The following PITPNM3 variants were observed in gnomAD, a reference collection of about 807,000 sequenced individuals.
PITPNM3 encodes the protein membrane-associated phosphatidylinositol transfer protein 3.
PITPNM3 carries 26 observed loss-of-function variants against 102.0 expected under a neutral mutation model. The ratio of observed to expected loss-of-function variants is 0.25; its 90% CI spans 0.19 to 0.35. The LOEUF (loss-of-function observed/expected upper bound fraction) is 0.35, where lower values mean the gene tolerates loss of function less well. Among genes scored for constraint, PITPNM3 ranks in the 10% least tolerant of loss-of-function variants. The pLI, the probability that PITPNM3 is intolerant of heterozygous loss-of-function variation, is 1.00. For missense variants in PITPNM3, 1,083 were observed against 1,346.1 expected, an observed-to-expected ratio of 0.80 and a Z score of 3.06; for synonymous variants, 578 against 558.6, an observed-to-expected ratio of 1.03 and a Z score of -0.49.
intron 3 of PITPNM3, among the ~76,000 whole-genome samples, chr17:6,515,048 A>G (rs1695021365): frequency 6.6e-6 from 1 of 152,104 alleles, no homozygotes; most frequent in African/African-American, 2.4e-5. Context: ...GGGCTGGGAG[A>G]AGGGGAATGG....
chr17:6,496,163 A>G (rs1437625873), intron 4 of PITPNM3, among the ~76,000 whole-genome samples: 1 of 152,026 alleles, frequency 6.6e-6, no homozygotes, highest in African/African-American at 2.4e-5. Flanking sequence ...ACCTGTGAAT[A>G]AAGTCTCTCT....
In PITPNM3 at chr17:6,485,445, ACCAT is replaced by A. The variant is rs1360332185; in HGVS notation, c.275-1157_275-1154del. ...AGTGCTGGGATTACAGGAGTGAGCC[ACCAT>A]GCCTGGCCAATAAGTCTCTTTTTAT... On this transcript the variant is annotated intron_variant, in intron 4 of 19. Coordinates refer to ENST00000262483, the MANE Select transcript of PITPNM3 (RefSeq NM_031220.4). Among the ~76,000 whole-genome samples the A allele has an allele frequency of 5.9e-5, 9 of 152,238 alleles. No homozygotes were observed. In the South Asian group the frequency reaches 1.4e-3, roughly 25 times the overall value.
chr17:6,486,820 A>T (rs1341138274), intron 4 of PITPNM3, among the ~76,000 whole-genome samples: 1 of 152,244 alleles, frequency 6.6e-6, no homozygotes, highest in Admixed American at 6.5e-5. Flanking sequence ...TGTCCTGGGC[A>T]CTATGTGCTT....
intron 4 of PITPNM3, among the ~76,000 whole-genome samples, chr17:6,488,832 A>G (rs1240417104): frequency 6.6e-6 from 1 of 152,050 alleles, no homozygotes; most frequent in Non-Finnish European, 1.5e-5. Context: ...GTTTCTTCCC[A>G]CTTCCTGTTA....
intron 3 of PITPNM3, among the ~76,000 whole-genome samples, chr17:6,519,600 C>T (rs997437534): frequency 5.3e-5 from 8 of 151,456 alleles, no homozygotes; most frequent in Admixed American, 5.3e-4. Context: ...GAGGCCAAGT[C>T]GGGCAGATCA....
At position 6,468,211 on chromosome 17, in the gene PITPNM3, G is replaced by C; in HGVS notation, c.1890+14C>G. The C allele has an allele frequency of 6.2e-7, 1 of 1,610,686 alleles. No individual in the cohort carries two copies. The highest frequency in any genetic ancestry group is 8.5e-7 in the Non-Finnish European group (1 of 1,178,222). On this transcript the variant is annotated intron_variant, in intron 14 of 19. Coordinates refer to ENST00000262483, the MANE Select transcript of PITPNM3 (RefSeq NM_031220.4). The surrounding 1 kb of genome is among the most constrained non-coding windows in gnomAD (Gnocchi z 5.2). ...ACACAGTCCCAGCCACATGCGAACT[G>C]AGCATGCACGCACCCTCAGCTTGAC...
In PITPNM3 at chr17:6,454,062, A is replaced by C. The variant is rs1333951284; in HGVS notation, c.*1276T>G. On this transcript the variant is annotated 3_prime_UTR_variant, in exon 20 of 20. Transcript: ENST00000262483. ...AGGTTATGGGCACAAACTGAGCAGC[A>C]GGGGAAAGGGAAGAGAATACAACAG... 1 of 152,468 alleles carries C rather than the reference A, an allele frequency of 6.6e-6. No homozygotes were observed. Among genetic ancestry groups the C allele is most frequent in the Non-Finnish European group, 1.5e-5 (1 of 68,222 alleles). The allele number at this position is 152,468 out of a possible 1,614,324, so 9.4% of individuals were successfully genotyped here.
intron 4 of PITPNM3, among the ~76,000 whole-genome samples, chr17:6,486,943 G>T (rs1906129837): frequency 6.6e-6 from 1 of 152,164 alleles, no homozygotes; most frequent in Admixed American, 6.5e-5. Context: ...TATGTCACTT[G>T]CCCCACGTAC....
chr17:6,474,671 A>G, intron 9 of PITPNM3, 67 bp from the exon 10 acceptor site: 1 of 1,494,422 alleles, frequency 6.7e-7, no homozygotes, highest in East Asian at 2.5e-5. Context: ...GAGTGTTCAC[A>G]CAGCAGCGCA....
In PITPNM3 at chr17:6,459,425, C is replaced by T. The variant is rs1212170627; in HGVS notation, c.2491-1703G>A. 6.6e-6 allele frequency among the ~76,000 whole-genome samples: 1 copy of T among 152,006 alleles called. No individual in the cohort carries two copies. The highest frequency in any genetic ancestry group is 1.5e-5 in the Non-Finnish European group (1 of 68,010). On this transcript the variant is annotated intron_variant, in intron 18 of 19. Coordinates refer to ENST00000262483, the MANE Select transcript of PITPNM3 (RefSeq NM_031220.4). This position sits in a 1 kb window ranked among gnomAD's most constrained non-coding sequence, Gnocchi z 5.0. The stretch of plus-strand genomic sequence containing the variant: ...CTGCTCCTTGTGCTGCTCTCAGTGG[C>T]CCAGCACAGCCTCTTCTAACGCCTC...
chr17:6,474,619 G>C lies in PITPNM3; in HGVS notation c.1086-15C>G. On this transcript the variant is annotated splice_polypyrimidine_tract_variant and intron_variant, in intron 9 of 19. Transcript: ENST00000262483. Reference sequence around the variant, plus strand: ...TGGAGTGGATGCTGCGGAGGGAGGAGGACGCAGGGCAGGGCAGGTCAGGGA... The same window carrying C: ...TGGAGTGGATGCTGCGGAGGGAGGACGACGCAGGGCAGGGCAGGTCAGGGA... 6.4e-7 allele frequency: 1 copy of C among 1,553,570 alleles called. No individual in the cohort carries two copies. The highest frequency in any genetic ancestry group is 8.7e-7 in the Non-Finnish European group (1 of 1,149,398).
intron 1 of PITPNM3, among the ~76,000 whole-genome samples, chr17:6,544,625 GTCTCTCTC>G (rs67144965): frequency 5.8e-5 from 8 of 137,192 alleles, no homozygotes; most frequent in Admixed American, 2.3e-4. Flanking sequence ...TTTGAATGGT[GTCTCTCTC>G]TCTCTCTCTC....
rs1913850114 is a variant in PITPNM3, at chr17:6,451,870, C to G, written c.*3468G>C. ...ATAGGTTTCCAGGGCACTTGGCACC[C>G]AAACCCCCCCCCCCCGCCCGCCGAT... is the stretch of plus-strand genomic sequence containing the variant. On this transcript the variant is annotated 3_prime_UTR_variant, in exon 20 of 20. Coordinates refer to ENST00000262483, the MANE Select transcript of PITPNM3 (RefSeq NM_031220.4). The G allele has an allele frequency of 1.1e-5, 1 of 92,918 alleles. No individual in the cohort carries two copies. The highest frequency in any genetic ancestry group is 4.2e-5 in the African/African-American group (1 of 23,854). The allele number at this position is 92,918 out of a possible 1,614,324, so 5.8% of individuals were successfully genotyped here. A position where few individuals can be genotyped will look rare whatever the true frequency, so the allele number is the denominator to read the frequency against.
chr17:6,540,959 C>T (rs1055056447), intron 1 of PITPNM3, among the ~76,000 whole-genome samples: 1 of 152,190 alleles, frequency 6.6e-6, no homozygotes, highest in Non-Finnish European at 1.5e-5. Flanking sequence ...GCATCTGGCC[C>T]CGCCTTGGTT....
intron 4 of PITPNM3, among the ~76,000 whole-genome samples, chr17:6,488,247 A>G (rs1170707134): frequency 2.0e-5 from 3 of 152,162 alleles, no homozygotes; most frequent in South Asian, 2.1e-4. Flanking sequence ...CCCACAAGAC[A>G]TAACTCTTTC....
Position 6,451,892 on chromosome 17 carries a change from C to CCCCCACCA in PITPNM3, c.*3445_*3446insTGGTGGGG, listed in dbSNP as rs55984944. Reference sequence around the variant, plus strand: ...ACCCAAACCCCCCCCCCCCGCCCGCCGATGGGATTCGGTGGGAAAGTTGGT... The same window carrying CCCCCACCA: ...ACCCAAACCCCCCCCCCCCGCCCGCCCCCCACCAGATGGGATTCGGTGGGAAAGTTGGT... On this transcript the variant is annotated 3_prime_UTR_variant, in exon 20 of 20. Transcript: ENST00000262483. 1 of 94,446 alleles carries CCCCCACCA rather than the reference C, an allele frequency of 1.1e-5. No individual in the cohort carries two copies. Among genetic ancestry groups the CCCCCACCA allele is most frequent in the Non-Finnish European group, 2.2e-5 (1 of 46,070 alleles). 5.9% of individuals were successfully genotyped at this position (94,446 alleles called of 1,614,324 possible).
intron 4 of PITPNM3, among the ~76,000 whole-genome samples, chr17:6,489,613 G>C (rs1906317157): frequency 2.0e-5 from 3 of 152,110 alleles, no homozygotes; most frequent in Admixed American, 6.5e-5. Context: ...TCCTCAGAGA[G>C]ACTCTTGGCA....
chr17:6,501,938 C>G (rs532610310), intron 4 of PITPNM3, among the ~76,000 whole-genome samples: 49 of 152,282 alleles, frequency 3.2e-4, no homozygotes, highest in Admixed American at 6.5e-4. Context: ...CACTAAAGAC[C>G]CACAGGTAAT....
Position 6,459,420 on chromosome 17 carries a change from A to G in PITPNM3, c.2491-1698T>C, listed in dbSNP as rs1555550585. Among the ~76,000 whole-genome samples the G allele has an allele frequency of 6.6e-6, 1 of 151,752 alleles. No individual in the cohort carries two copies. The highest frequency in any genetic ancestry group is 1.5e-5 in the Non-Finnish European group (1 of 67,956). On this transcript the variant is annotated intron_variant, in intron 18 of 19. Transcript: ENST00000262483. This position sits in a 1 kb window ranked among gnomAD's most constrained non-coding sequence, Gnocchi z 5.0. ...CTCAGCTGCTCCTTGTGCTGCTCTC[A>G]GTGGCCCAGCACAGCCTCTTCTAAC...
Sources: allele counts gnomAD v4.1 joint callset (sites outside exome capture counted in the v4.1 genomes callset), GRCh38; gene constraint gnomAD v4.1.1; non-coding constraint Gnocchi (gnomAD v3.1); transcripts MANE v1.5; gene names NCBI Gene and HGNC (gene_info 2026-07-23, HGNC 2026-07-21).